The following GPM6B variants were observed in gnomAD, a reference collection of about 807,000 sequenced individuals.
GPM6B encodes neuronal membrane glycoprotein M6-b.
A neutral mutation model predicts 27.2 loss-of-function variants in GPM6B; 4 were observed. The ratio of observed to expected loss-of-function variants is 0.15; its 90% confidence interval spans 0.07 to 0.34. The LOEUF (loss-of-function observed/expected upper bound fraction) is 0.34. GPM6B is among the 10% of genes least tolerant of loss of function. The pLI, the probability that GPM6B is intolerant of heterozygous loss-of-function variation, is 1.00. For missense variants in GPM6B, 183 were observed against 261.9 expected, an observed-to-expected ratio of 0.70 and a Z score of 2.08; for synonymous variants, 124 against 103.1, an observed-to-expected ratio of 1.20 and a Z score of -1.23.
intron 1 of GPM6B, among the ~76,000 whole-genome samples, chrX:13,811,869 G>C (rs886282202): frequency 9.0e-6 from 1 of 110,595 alleles, no homozygotes; most frequent in Non-Finnish European, 1.9e-5. Context: ...CAAAATTCTC[G>C]TCTATGGCAT....
At chrX:13,926,010 G>A (rs1429628550) in intron 1 of GPM6B, among the ~76,000 whole-genome samples, 3 of 105,177 alleles carry the variant, frequency 2.9e-5, no homozygotes, top group Non-Finnish European at 3.9e-5. Context: ...ACCCGAGATC[G>A]CACCACTGCA....
At chrX:13,858,192 TTCTC>T (rs1316285680) in intron 1 of GPM6B, among the ~76,000 whole-genome samples, 1 of 112,069 alleles carries the variant, frequency 8.9e-6, no homozygotes, top group Non-Finnish European at 1.9e-5. Context: ...AAAATCCTAC[TTCTC>T]TTTCAGCATT....
chrX:13,934,121 T>C (rs1921712325), intron 1 of GPM6B, among the ~76,000 whole-genome samples: 1 of 110,694 alleles, frequency 9.0e-6, no homozygotes, highest in African/African-American at 3.3e-5. Flanking sequence ...AGCAAAAATA[T>C]AATAAAGAAT....
chrX:13,776,309 AAAG>A lies in GPM6B; in HGVS notation c.772-9_772-7del. 1 of 1,195,828 alleles carries A rather than the reference AAAG, an allele frequency of 8.4e-7. No homozygotes were observed. Among genetic ancestry groups the A allele is most frequent in the South Asian group, 1.8e-5 (1 of 56,096 alleles). On this transcript the variant is annotated splice_region_variant and splice_polypyrimidine_tract_variant and intron_variant, in intron 6 of 7. Transcript: ENST00000316715. ...AGGTGATAGGACATGTAGAACTACA[AAAG>A]AACAGGGCATCAACATAAGCATTTG...
chrX:13,864,208 C>T (rs2049883364), intron 1 of GPM6B, among the ~76,000 whole-genome samples: 1 of 112,765 alleles, frequency 8.9e-6, no homozygotes, highest in Non-Finnish European at 1.9e-5. Context: ...TAACCTTCTG[C>T]CATCTCTCCA....
At chrX:13,824,501 G>C (rs963391866) in intron 1 of GPM6B, among the ~76,000 whole-genome samples, 2 of 111,797 alleles carry the variant, frequency 1.8e-5, no homozygotes, top group African/African-American at 6.5e-5. Flanking sequence ...GGAGGCAGGA[G>C]GGAAACAGAC....
At position 13,870,847 on chromosome X, in the gene GPM6B, T is replaced by A. The variant is rs1603099050; in HGVS notation, c.-198+67480A>T. On this transcript the variant is annotated intron_variant, in intron 1 of 6. Transcript: ENST00000398361. ...AACTGTGAGGCTAAGTCTGGCACCT[T>A]CCAGATCTATTTAAAGAAGTTAGAC... is the stretch of plus-strand genomic sequence containing the variant. Among the ~76,000 whole-genome samples the A allele has an allele frequency of 4.5e-5, 5 of 111,124 alleles. No individual in the cohort carries two copies. In the Admixed American group the frequency reaches 4.8e-4, roughly 11 times the overall value.
chrX:13,790,927 T>C (rs1361273619), intron 2 of GPM6B, among the ~76,000 whole-genome samples: 1 of 111,942 alleles, frequency 8.9e-6, no homozygotes, highest in African/African-American at 3.3e-5. Context: ...AGGAAGTAGA[T>C]CTGGGATTCA....
intron 1 of GPM6B, among the ~76,000 whole-genome samples, chrX:13,865,556 A>AG: frequency 3.8e-5 from 2 of 52,750 alleles, no homozygotes; most frequent in East Asian, 4.6e-4. Flanking sequence ...AAAAAAAAAA[A>AG]AAAAAAGAAA....
At chrX:13,792,894 G>A (rs1425681290) in intron 2 of GPM6B, among the ~76,000 whole-genome samples, 1 of 52,767 alleles carries the variant, frequency 1.9e-5, no homozygotes, top group African/African-American at 9.3e-5. Flanking sequence ...GCGAGACTCC[G>A]TTTAAAAAAA....
At chrX:13,835,124 C>T (rs968294478) in intron 1 of GPM6B, among the ~76,000 whole-genome samples, 9 of 111,939 alleles carry the variant, frequency 8.0e-5, no homozygotes, top group Non-Finnish European at 1.5e-4. Context: ...CAGACTAAAC[C>T]GTGCATGAGT....
intron 1 of GPM6B, among the ~76,000 whole-genome samples, chrX:13,918,916 T>C (rs1012923952): frequency 8.9e-6 from 1 of 112,052 alleles, no homozygotes; most frequent in African/African-American, 3.2e-5. Context: ...GCATTGCCAA[T>C]GCTGGGGATT....
rs2147199049 is a variant in GPM6B, at chrX:13,816,931, C to T, written c.-27G>A. On this transcript the variant is annotated 5_prime_UTR_variant, in exon 1 of 8. Transcript: ENST00000316715. Reference sequence around the variant, plus strand: ...CCATCCACCAAAAATGCTTTTCCCCCTGTTCCCCCCAACACACACTTGTTT... The same window carrying T: ...CCATCCACCAAAAATGCTTTTCCCCTTGTTCCCCCCAACACACACTTGTTT... The T allele has an allele frequency of 8.4e-7, 1 of 1,186,395 alleles. No individual in the cohort carries two copies. The highest frequency in any genetic ancestry group is 3.0e-5 in the East Asian group (1 of 33,205).
rs1276421859 is a variant in GPM6B, at chrX:13,861,461, C to A, written c.-197-75653G>T. Among the ~76,000 whole-genome samples the A allele has an allele frequency of 3.6e-5, 4 of 111,526 alleles. No homozygotes were observed. The East Asian group carries it at 1.1e-3, about 31-fold the overall frequency. ...AGTGTTCCCTTTCACTGCATCCACA[C>A]CAACATCTATTATTTTTTTATTTAC... On this transcript the variant is annotated intron_variant, in intron 1 of 6. Transcript: ENST00000398361.
rs1346109214 is a variant in GPM6B, at chrX:13,779,923, C to T, written c.592G>A (p.Val198Met). 1 of 1,201,741 alleles carries T rather than the reference C, an allele frequency of 8.3e-7. No homozygotes were observed. The highest frequency in any genetic ancestry group is 1.8e-5 in the South Asian group (1 of 55,531). The change falls in exon 5 of 8, where the codon GTG (valine) becomes ATG (methionine). Residue 198 changes from valine to methionine, a missense_variant. By Grantham distance (21) the Val-to-Met change is conservative. Coordinates refer to ENST00000316715, the MANE Select transcript of GPM6B (RefSeq NM_001001995.3). ...GACCATATGTTGTAGAACATAAACA[C>T]GGGCACCGCTGAGAAACCAAACACA... is the stretch of plus-strand genomic sequence containing the variant. ...LGVFGFSAVP[V>M]FMFYNIWSTC...
At chrX:13,915,991 T>G in intron 1 of GPM6B, among the ~76,000 whole-genome samples, 1 of 111,992 alleles carries the variant, frequency 8.9e-6, no homozygotes, top group South Asian at 3.7e-4. Flanking sequence ...AATAATTAAG[T>G]GCATCTGCCA....
chrX:13,848,752 GAAAT>G (rs1411230103), intron 1 of GPM6B, among the ~76,000 whole-genome samples: 1 of 112,125 alleles, frequency 8.9e-6, no homozygotes, highest in African/African-American at 3.2e-5. Flanking sequence ...ATACTCAAGA[GAAAT>G]AAAAACTTCT....
intron 1 of GPM6B, among the ~76,000 whole-genome samples, chrX:13,923,249 G>A (rs1921017988): frequency 9.0e-6 from 1 of 111,200 alleles, no homozygotes; most frequent in African/African-American, 3.3e-5. Context: ...AGGGACAGCA[G>A]GTGACATGTA....
chrX:13,843,027 C>A (rs2049599076), intron 1 of GPM6B, among the ~76,000 whole-genome samples: 1 of 111,098 alleles, frequency 9.0e-6, no homozygotes, highest in African/African-American at 3.3e-5. Context: ...CAACTGTTAA[C>A]ACGATCTAAT....
Sources: allele counts gnomAD v4.1 joint callset (sites outside exome capture counted in the v4.1 genomes callset), GRCh38; gene constraint gnomAD v4.1.1; transcripts MANE v1.5; gene names NCBI Gene and HGNC (gene_info 2026-07-23, HGNC 2026-07-21).